Variants in GNA14 observed in about 807,000 individuals in gnomAD.
The protein encoded by GNA14 is guanine nucleotide-binding protein subunit alpha-14.
A neutral mutation model predicts 42.0 loss-of-function variants in GNA14; 50 were observed. The observed-to-expected ratio is 1.19, with a 90% CI of 0.95 to 1.51. The LOEUF (loss-of-function observed/expected upper bound fraction) is 1.51. Among genes scored for constraint, GNA14 ranks in the 40% most tolerant of loss-of-function variants. The pLI is 0.00. For missense variants in GNA14, 473 were observed against 446.2 expected (o/e 1.06, Z -0.54); for synonymous variants, 173 against 163.1 (o/e 1.06, Z -0.46).
chr9:77,565,318 C>T lies in GNA14; in HGVS notation c.125-36065G>A, dbSNP rs570916089. ...TAAAATACAGACCAGATTTTGAAAA[C>T]TTAATACTAGGGGGAAAATAATGTA... On this transcript the variant is annotated intron_variant, in intron 1 of 6. Transcript: ENST00000341700. Among the ~76,000 whole-genome samples, 16 of 152,094 alleles carry T rather than the reference C, an allele frequency of 1.1e-4. No individual in the cohort carries two copies. The East Asian group carries it at 2.9e-3, about 27-fold the overall frequency.
chr9:77,535,133 G>A (rs765145513), intron 1 of GNA14, among the ~76,000 whole-genome samples: 5 of 152,234 alleles, frequency 3.3e-5, no homozygotes, highest in Non-Finnish European at 7.3e-5. Flanking sequence ...CCAGGCCCTT[G>A]GGGGCACTCT....
intron 2 of GNA14, among the ~76,000 whole-genome samples, chr9:77,523,991 G>A (rs544463432): frequency 2.1e-4 from 32 of 152,252 alleles, no homozygotes; most frequent in African/African-American, 7.7e-4. Context: ...TGGCTTCTGT[G>A]AAATCATCAC....
intron 5 of GNA14, among the ~76,000 whole-genome samples, chr9:77,428,074 TTTTTTTTTC>T (rs1335426421): frequency 2.1e-5 from 3 of 145,172 alleles, no homozygotes; most frequent in African/African-American, 7.8e-5. Context: ...ATTTTTTCTT[TTTTTTTTTC>T]TTTTTTTTTT....
intron 1 of GNA14, among the ~76,000 whole-genome samples, chr9:77,563,406 G>A (rs1177489840): frequency 6.6e-6 from 1 of 152,134 alleles, no homozygotes; most frequent in African/African-American, 2.4e-5. Context: ...TCAAAGCTTA[G>A]GAAAACACAG....
chr9:77,606,706 G>GA (rs1237256511), intron 1 of GNA14, among the ~76,000 whole-genome samples: 1 of 151,900 alleles, frequency 6.6e-6, no homozygotes, highest in East Asian at 1.9e-4. Flanking sequence ...GTTGTGAAAG[G>GA]AAAAAAAGGT....
intron 1 of GNA14, among the ~76,000 whole-genome samples, chr9:77,615,118 A>G (rs1027177608): frequency 6.6e-6 from 1 of 152,218 alleles, no homozygotes; most frequent in Non-Finnish European, 1.5e-5. Context: ...ATCAAGGCAC[A>G]TGGTTTAGTT....
chr9:77,591,164 A>C (rs1351622280), intron 1 of GNA14, among the ~76,000 whole-genome samples: 2 of 152,200 alleles, frequency 1.3e-5, no homozygotes. Flanking sequence ...TTCCGAGTAG[A>C]ATCATCCTGA....
At position 77,425,541 on chromosome 9, in the gene GNA14, G is replaced by C. The variant is rs762429615; in HGVS notation, c.877+21C>G. On this transcript the variant is annotated intron_variant, in intron 6 of 6. Transcript: ENST00000341700. Reference sequence around the variant, plus strand: ...GGACGAGATCAGCACAGAAAACACTGTCCACAAGATAGACACTTACCTGTG... The same window carrying C: ...GGACGAGATCAGCACAGAAAACACTCTCCACAAGATAGACACTTACCTGTG... 8.9e-6 allele frequency: 14 copies of C among 1,574,944 alleles called. No homozygotes were observed. The South Asian group carries it at 1.6e-4, about 18-fold the overall frequency.
chr9:77,465,064 A>C (rs949607555), intron 2 of GNA14, among the ~76,000 whole-genome samples: 3 of 152,206 alleles, frequency 2.0e-5, no homozygotes, highest in African/African-American at 4.8e-5. Flanking sequence ...GGCTCTGCCA[A>C]CACCTTGATT....
At chr9:77,615,001 G>A (rs1435746857) in intron 1 of GNA14, among the ~76,000 whole-genome samples, 2 of 152,154 alleles carry the variant, frequency 1.3e-5, no homozygotes, top group Non-Finnish European at 2.9e-5. Flanking sequence ...AAGACCAGGG[G>A]GTTTAAAAGT....
At chr9:77,530,939 G>A (rs1837518743) in intron 1 of GNA14, among the ~76,000 whole-genome samples, 4 of 152,180 alleles carry the variant, frequency 2.6e-5, no homozygotes, top group Admixed American at 6.5e-5. Context: ...GCAGAATTGG[G>A]GCTGGAAGTC....
chr9:77,553,108 T>C (rs916278630), intron 1 of GNA14, among the ~76,000 whole-genome samples: 4 of 152,224 alleles, frequency 2.6e-5, no homozygotes, highest in Admixed American at 1.3e-4. Context: ...ATTATTCTCA[T>C]ATGTCTCTCA....
At chr9:77,503,489 A>C (rs1390642633) in intron 2 of GNA14, among the ~76,000 whole-genome samples, 1 of 152,164 alleles carries the variant, frequency 6.6e-6, no homozygotes, top group Non-Finnish European at 1.5e-5. Flanking sequence ...ATGAAAAATG[A>C]CTTCAGAAAC....
At chr9:77,632,131 G>A (rs1824109037) in intron 1 of GNA14, among the ~76,000 whole-genome samples, 2 of 152,234 alleles carry the variant, frequency 1.3e-5, no homozygotes. Context: ...GCTTGGAAGT[G>A]CCTGCTTCTG....
intron 1 of GNA14, among the ~76,000 whole-genome samples, chr9:77,603,183 C>G (rs1404598977): frequency 6.6e-6 from 1 of 152,138 alleles, no homozygotes; most frequent in African/African-American, 2.4e-5. Context: ...TATATTAAAA[C>G]CAGAGATCAT....
intron 1 of GNA14, among the ~76,000 whole-genome samples, chr9:77,630,247 A>G (rs1824076786): frequency 6.6e-6 from 1 of 151,868 alleles, no homozygotes; most frequent in Non-Finnish European, 1.5e-5. Flanking sequence ...CCTCCCGAGT[A>G]GCTGGGACTA....
chr9:77,639,529 AC>A (rs1465614861), intron 1 of GNA14, among the ~76,000 whole-genome samples: 1 of 152,208 alleles, frequency 6.6e-6, no homozygotes, highest in African/African-American at 2.4e-5. Context: ...GTAGATGAGC[AC>A]AATCAGACAG....
intron 1 of GNA14, among the ~76,000 whole-genome samples, chr9:77,600,055 CA>C (rs1447473096): frequency 6.6e-6 from 1 of 151,580 alleles, no homozygotes; most frequent in Non-Finnish European, 1.5e-5. Flanking sequence ...ATCATTTGTA[CA>C]CCATATATTG....
chr9:77,514,411 C>T (rs534154134), intron 2 of GNA14, among the ~76,000 whole-genome samples: 16 of 152,100 alleles, frequency 1.1e-4, no homozygotes, highest in African/African-American at 3.6e-4. Context: ...TTATTGAGCC[C>T]GAAGGGATGC....
Sources: gnomAD v4.1 joint callset for allele counts (sites outside exome capture counted in the v4.1 genomes callset) on GRCh38, gnomAD v4.1.1 for gene constraint, MANE v1.5 for transcripts, NCBI Gene and HGNC (gene_info 2026-07-23, HGNC 2026-07-21) for gene names.